Variants in ADAM10 observed in about 807,000 individuals in gnomAD.
The protein encoded by ADAM10 is ADAM metallopeptidase domain 10.
A neutral mutation model predicts 90.1 loss-of-function variants in ADAM10; 17 were observed. The ratio of observed to expected loss-of-function variants is 0.19; its 90% CI spans 0.13 to 0.28. The LOEUF is 0.28. ADAM10 is among the 10% of genes least tolerant of loss of function. The pLI is 1.00. For synonymous variants in ADAM10, 310 were observed against 298.6 expected, an observed-to-expected ratio of 1.04 and a Z score of -0.40; for missense variants, 610 against 914.3, an observed-to-expected ratio of 0.67 and a Z score of 4.29.
intron 9 of ADAM10, among the ~76,000 whole-genome samples, chr15:58,631,446 T>C (rs1896096919): frequency 6.6e-6 from 1 of 152,016 alleles, no homozygotes; most frequent in Non-Finnish European, 1.5e-5. Flanking sequence ...AGGAAAGAGA[T>C]TACACAAGAA....
chr15:58,626,792 C>A (rs1267248819), intron 10 of ADAM10, among the ~76,000 whole-genome samples: 14 of 152,168 alleles, frequency 9.2e-5, no homozygotes, highest in Admixed American at 5.2e-4. Flanking sequence ...TTAGAGGTTA[C>A]CAGGGGCTGA....
chr15:58,714,495 TA>T (rs879698561), intron 2 of ADAM10, among the ~76,000 whole-genome samples: 13 of 151,806 alleles, frequency 8.6e-5, no homozygotes, highest in South Asian at 4.2e-4. Flanking sequence ...ATTATGTGAA[TA>T]AAAAAAATAA....
chr15:58,708,859 T>C (rs1898385937), intron 2 of ADAM10, among the ~76,000 whole-genome samples: 1 of 152,198 alleles, frequency 6.6e-6, no homozygotes, highest in Non-Finnish European at 1.5e-5. Context: ...TATTCCTGCA[T>C]ACAAGTATCA....
chr15:58,662,268 G>C (rs1470739617), intron 5 of ADAM10, among the ~76,000 whole-genome samples: 1 of 152,188 alleles, frequency 6.6e-6, no homozygotes, highest in Non-Finnish European at 1.5e-5. Flanking sequence ...AGGAAGGGCA[G>C]GTCTGAAGTA....
intron 4 of ADAM10, among the ~76,000 whole-genome samples, chr15:58,666,937 A>AT (rs1278434386): frequency 6.6e-6 from 1 of 152,134 alleles, no homozygotes; most frequent in African/African-American, 2.4e-5. Context: ...TACTTTCAAA[A>AT]TTTCTAAAAG....
chr15:58,727,500 T>C (rs1181866558), intron 1 of ADAM10, among the ~76,000 whole-genome samples: 4 of 152,150 alleles, frequency 2.6e-5, no homozygotes, highest in African/African-American at 9.7e-5. Flanking sequence ...CTGGCTAATC[T>C]TTCTTATTTT....
intron 9 of ADAM10, among the ~76,000 whole-genome samples, chr15:58,631,067 C>T (rs1189466096): frequency 2.6e-5 from 4 of 152,102 alleles, no homozygotes; most frequent in African/African-American, 9.7e-5. Context: ...CACGCTCCCA[C>T]CACCTCCACT....
chr15:58,666,623 TC>T (rs1897088089), intron 4 of ADAM10, among the ~76,000 whole-genome samples: 1 of 152,064 alleles, frequency 6.6e-6, no homozygotes, highest in Admixed American at 6.6e-5. Context: ...AAATCTTTCG[TC>T]AAAACCCTAA....
At chr15:58,610,028 G>A in intron 14 of ADAM10, 1 of 435,980 alleles carries the variant, frequency 2.3e-6, no homozygotes, top group Non-Finnish European at 4.1e-6. Flanking sequence ...TGCACCAAAA[G>A]AAGTAACCCA....
At chr15:58,606,969 G>C (rs1895295014) in intron 14 of ADAM10, among the ~76,000 whole-genome samples, 1 of 152,222 alleles carries the variant, frequency 6.6e-6, no homozygotes, top group South Asian at 2.1e-4. Context: ...GTAAACAAAT[G>C]GGTGTGGCCA....
intron 2 of ADAM10, chr15:58,692,479 T>A (rs766134953): frequency 1.9e-6 from 1 of 519,660 alleles, no homozygotes; most frequent in Non-Finnish European, 3.9e-6. Flanking sequence ...TTCTTTATCA[T>A]CTTTATCTTC....
chr15:58,597,357 C>A lies in ADAM10; in HGVS notation c.*190G>T, dbSNP rs1894984124. On this transcript the variant is annotated 3_prime_UTR_variant, in exon 16 of 16. Transcript: ENST00000260408. ...ATTGGGTTCCTTTTCCACCTCCCAC[C>A]CCCAAATTGGAATTTTCAGGCTTTA... is the stretch of plus-strand genomic sequence containing the variant. 1 of 1,540,314 alleles carries A rather than the reference C, an allele frequency of 6.5e-7. No individual in the cohort carries two copies. Among genetic ancestry groups the A allele is most frequent in the South Asian group, 1.2e-5 (1 of 82,272 alleles).
At chr15:58,707,682 A>G (rs1334016930) in intron 2 of ADAM10, among the ~76,000 whole-genome samples, 3 of 152,222 alleles carry the variant, frequency 2.0e-5, no homozygotes, top group Non-Finnish European at 4.4e-5. Context: ...TGATTACAGA[A>G]TAAGTTGATT....
chr15:58,638,703 C>T (rs925583525), intron 8 of ADAM10, among the ~76,000 whole-genome samples: 1 of 151,648 alleles, frequency 6.6e-6, no homozygotes, highest in Non-Finnish European at 1.5e-5. Flanking sequence ...AAATGAGCAG[C>T]ATCACAAATG....
chr15:58,726,564 T>TC (rs762649004), intron 1 of ADAM10, among the ~76,000 whole-genome samples: 1 of 25,930 alleles, frequency 3.9e-5, no homozygotes, highest in African/African-American at 2.1e-4. Context: ...GACCTCAGTC[T>TC]CCCAAAAAAA....
chr15:58,645,571 A>G (rs185457284), intron 6 of ADAM10, among the ~76,000 whole-genome samples: 217 of 152,300 alleles, frequency 1.4e-3, no homozygotes, highest in African/African-American at 4.7e-3. Context: ...CTTTGAGTCA[A>G]AAGTTCATTC....
In ADAM10 at chr15:58,666,287, T is replaced by C. The variant is rs576599726; in HGVS notation, c.485-1090A>G. ...CAACGCCCCTGAAGGGAGTTGATGG[T>C]GAATGCAGTGGTGTCTTACTTACTT... is the stretch of plus-strand genomic sequence containing the variant. On this transcript the variant is annotated intron_variant, in intron 4 of 15. Coordinates refer to ENST00000260408, the MANE Select transcript of ADAM10 (RefSeq NM_001110.4). 1.1e-3 allele frequency among the ~76,000 whole-genome samples: 166 copies of C among 150,452 alleles called. 1 individual carries two copies. Among genetic ancestry groups the C allele is most frequent in the African/African-American group, 3.9e-3 (162 of 41,168 alleles).
At chr15:58,670,788 C>G (rs714696) in intron 4 of ADAM10, among the ~76,000 whole-genome samples, 70,695 of 151,874 alleles carry the variant, frequency 0.47, 19,717 homozygotes, top group East Asian at 0.84. Flanking sequence ...ATAGTCATTT[C>G]CCAATCAGCA....
At chr15:58,625,413 G>C (rs1895908125) in intron 10 of ADAM10, among the ~76,000 whole-genome samples, 1 of 152,136 alleles carries the variant, frequency 6.6e-6, no homozygotes, top group South Asian at 2.1e-4. Flanking sequence ...AAGATGTTCA[G>C]CATCATTAGC....
Sources: gnomAD v4.1 joint callset for allele counts (sites outside exome capture counted in the v4.1 genomes callset) on GRCh38, gnomAD v4.1.1 for gene constraint, MANE v1.5 for transcripts, NCBI Gene and HGNC (gene_info 2026-07-23, HGNC 2026-07-21) for gene names.